The following CSMD1 variants were observed in gnomAD, a reference collection of about 807,000 sequenced individuals.
CSMD1 encodes the protein CUB and sushi domain-containing protein 1.
Under a neutral mutation model 417.5 loss-of-function variants are expected in CSMD1, and 213 were observed. The ratio of observed to expected loss-of-function variants is 0.51; its 90% confidence interval spans 0.46 to 0.57. The LOEUF is 0.57. CSMD1 is among the 20% of genes least tolerant of loss of function. CSMD1 has a pLI of 0.00. For synonymous variants in CSMD1, 2,862 were observed against 1,736.8 expected (o/e 1.65, Z -16.11); for missense variants, 6,923 against 4,529.7 (o/e 1.53, Z -15.17).
At chr8:3,221,002 G>C (rs190782485) in intron 28 of CSMD1, among the ~76,000 whole-genome samples, 4 of 151,604 alleles carry the variant, frequency 2.6e-5, no homozygotes, top group Admixed American at 2.0e-4. Context: ...GGACAACTGA[G>C]ACAGAGAAGG....
intron 10 of CSMD1, chr8:3,515,131 C>G (rs563810456): frequency 2.7e-4 from 41 of 152,292 alleles, no homozygotes; most frequent in African/African-American, 9.6e-4. Context: ...TATAATTCAT[C>G]TTGAATACAT....
At chr8:3,712,372 A>G (rs1801565081) in intron 6 of CSMD1, among the ~76,000 whole-genome samples, 1 of 123,766 alleles carries the variant, frequency 8.1e-6, no homozygotes, top group Admixed American at 8.8e-5. Flanking sequence ...TTGCAAAGAA[A>G]CAGGAGAGAG....
At chr8:4,839,901 C>T (rs1424090021) in intron 1 of CSMD1, among the ~76,000 whole-genome samples, 1 of 152,168 alleles carries the variant, frequency 6.6e-6, no homozygotes, top group Admixed American at 6.5e-5. Flanking sequence ...GAACAACTAA[C>T]CTCCTGCGCG....
intron 4 of CSMD1, among the ~76,000 whole-genome samples, chr8:4,023,146 G>A (rs868786340): frequency 2.6e-5 from 4 of 152,150 alleles, no homozygotes; most frequent in African/African-American, 9.7e-5. Context: ...TGGAGGAACT[G>A]CCCATCACAA....
chr8:4,021,474 G>A lies in CSMD1; in HGVS notation c.610+10431C>T, dbSNP rs191930765. On this transcript the variant is annotated intron_variant, in intron 4 of 69. Transcript: ENST00000635120. Reference sequence around the variant, plus strand: ...GACCTGGCTTTTGTTGGTTAAGCGTGTGGCAGTTGAATCCGCTACATCCCC... The same window carrying A: ...GACCTGGCTTTTGTTGGTTAAGCGTATGGCAGTTGAATCCGCTACATCCCC... 6.6e-5 allele frequency among the ~76,000 whole-genome samples: 10 copies of A among 152,310 alleles called. No homozygotes were observed. The South Asian group carries it at 1.9e-3, about 28-fold the overall frequency.
intron 1 of CSMD1, among the ~76,000 whole-genome samples, chr8:4,649,187 T>A (rs1006078604): frequency 2.0e-5 from 3 of 152,188 alleles, no homozygotes; most frequent in African/African-American, 7.2e-5. Flanking sequence ...ACCTTTATTA[T>A]AATCTACTGA....
chr8:3,681,878 A>G (rs1255754888), intron 7 of CSMD1, among the ~76,000 whole-genome samples: 1 of 152,186 alleles, frequency 6.6e-6, no homozygotes, highest in Non-Finnish European at 1.5e-5. Context: ...GCCCTCAGAA[A>G]TAATACCACA....
At chr8:3,650,422 A>G (rs11784696) in intron 7 of CSMD1, among the ~76,000 whole-genome samples, 36,179 of 152,182 alleles carry the variant, frequency 0.24, 4,913 homozygotes, top group East Asian at 0.34. Context: ...CATACATACA[A>G]ATAAATACTA....
chr8:3,021,322 A>C (rs1301969401), intron 51 of CSMD1, among the ~76,000 whole-genome samples: 2 of 152,256 alleles, frequency 1.3e-5, no homozygotes, highest in Non-Finnish European at 2.9e-5. Flanking sequence ...ATAGAATTTC[A>C]GACCCAGAGT....
chr8:3,695,377 A>T (rs1355369159), intron 7 of CSMD1, among the ~76,000 whole-genome samples: 3 of 151,642 alleles, frequency 2.0e-5, no homozygotes, highest in African/African-American at 7.3e-5. Context: ...ATAATGACTC[A>T]ACGTGTCCTG....
At chr8:3,757,967 A>G (rs1007104602) in intron 5 of CSMD1, among the ~76,000 whole-genome samples, 3 of 152,148 alleles carry the variant, frequency 2.0e-5, no homozygotes, top group African/African-American at 7.2e-5. Context: ...TAAGTCCTGC[A>G]CAAATTCCTT....
chr8:3,463,697 G>C (rs1387785219), intron 12 of CSMD1, among the ~76,000 whole-genome samples: 2 of 152,190 alleles, frequency 1.3e-5, no homozygotes, highest in Non-Finnish European at 2.9e-5. Context: ...TGCTCACCTA[G>C]AGAAGACGGG....
intron 3 of CSMD1, among the ~76,000 whole-genome samples, chr8:4,220,028 C>T (rs1012390355): frequency 1.3e-5 from 2 of 152,152 alleles, no homozygotes; most frequent in Non-Finnish European, 2.9e-5. Flanking sequence ...AGGCTGACTA[C>T]AACCTCTGCC....
intron 1 of CSMD1, among the ~76,000 whole-genome samples, chr8:4,819,115 G>A (rs555064512): frequency 6.6e-6 from 1 of 152,192 alleles, no homozygotes; most frequent in South Asian, 2.1e-4. Context: ...CTATCGAAAA[G>A]CAACAGCAGC....
intron 5 of CSMD1, among the ~76,000 whole-genome samples, chr8:3,866,565 G>T (rs144463366): frequency 6.6e-6 from 1 of 151,914 alleles, no homozygotes; most frequent in Non-Finnish European, 1.5e-5. Context: ...TTTAGTTCTG[G>T]TGATGACACT....
chr8:3,671,029 TGC>T lies in CSMD1; in HGVS notation c.1009+37383_1009+37384del, dbSNP rs1303312657. On this transcript the variant is annotated intron_variant, in intron 7 of 69. Transcript: ENST00000635120. Reference sequence around the variant, plus strand: ...GGGATATATATGTATATGGGATATATGCATATGGGATATATATGTATATAGGA... The same window carrying T: ...GGGATATATATGTATATGGGATATATATATGGGATATATATGTATATAGGA... Among the ~76,000 whole-genome samples the T allele has an allele frequency of 2.1e-3, 216 of 104,604 alleles. 2 individuals carry two copies. Among genetic ancestry groups the T allele is most frequent in the Middle Eastern group, 6.9e-3 (1 of 144 alleles). The allele number at this position is 104,604 out of a possible 152,430, so 68.6% of individuals were successfully genotyped here.
intron 30 of CSMD1, among the ~76,000 whole-genome samples, chr8:3,208,638 T>G (rs1186997641): frequency 6.6e-6 from 1 of 152,168 alleles, no homozygotes; most frequent in Non-Finnish European, 1.5e-5. Flanking sequence ...ATCCTGGGTA[T>G]GTCTGTGAGG....
intron 3 of CSMD1, among the ~76,000 whole-genome samples, chr8:4,081,279 T>A (rs1002030769): frequency 3.3e-5 from 5 of 152,204 alleles, no homozygotes; most frequent in Admixed American, 1.3e-4. Flanking sequence ...GCCCAGCGAT[T>A]CTCGTCTCCT....
At chr8:4,586,080 C>T (rs1044657268) in intron 2 of CSMD1, among the ~76,000 whole-genome samples, 1 of 152,202 alleles carries the variant, frequency 6.6e-6, no homozygotes, top group Non-Finnish European at 1.5e-5. Context: ...TATTTTCACA[C>T]AAGCATACAA....
Sources: gnomAD v4.1 joint callset for allele counts (sites outside exome capture counted in the v4.1 genomes callset) on GRCh38, gnomAD v4.1.1 for gene constraint, MANE v1.5 for transcripts, NCBI Gene and HGNC (gene_info 2026-07-23, HGNC 2026-07-21) for gene names.